Variants in KNTC1 observed in about 807,000 individuals in gnomAD.
KNTC1 encodes the protein kinetochore-associated protein 1.
In KNTC1, 253 loss-of-function variants were observed where a neutral mutation model predicts 314.4. The ratio of observed to expected loss-of-function variants is 0.80; its 90% CI spans 0.73 to 0.89. The LOEUF is 0.89. KNTC1 is among the 40% of genes least tolerant of loss of function. KNTC1 has a pLI of 0.00. For missense variants in KNTC1, 2,475 were observed against 2,572.9 expected (o/e 0.96, Z 0.82); for synonymous variants, 901 against 901.4 (o/e 1.00, Z 0.01).
Position 122,571,100 on chromosome 12 carries a change from G to C in KNTC1, c.1993G>C (p.Ala665Pro). ...TAEKTDELGL[A>P]SSWHWISLKD... ...AGAAAAAACAGACGAGTTGGGATTG[G>C]CATCTTCCTGGCATTGGATTTCCTT... is the stretch of plus-strand genomic sequence containing the variant. Residue 665 changes from alanine to proline, a missense_variant, in exon 24 of 64, where the codon GCA (alanine) becomes CCA (proline). Transcript: ENST00000333479. 1 of 1,613,236 alleles carries C rather than the reference G, an allele frequency of 6.2e-7. No individual in the cohort carries two copies. The highest frequency in any genetic ancestry group is 8.5e-7 in the Non-Finnish European group (1 of 1,179,298).
rs184857619 is a variant in KNTC1, at chr12:122,580,153, C to G, written c.2914+176C>G. On this transcript the variant is annotated intron_variant, in intron 32 of 63. Transcript: ENST00000333479. ...TTCCTTTATTCCTTTATCAGCAATTCAAGAACAGATGCATGCAAAATCAAC... is the reference window on the plus strand; with the variant it reads ...TTCCTTTATTCCTTTATCAGCAATTGAAGAACAGATGCATGCAAAATCAAC... Among the ~76,000 whole-genome samples the G allele has an allele frequency of 2.0e-3, 310 of 152,314 alleles. 1 individual carries two copies. Among genetic ancestry groups the G allele is most frequent in the African/African-American group, 7.0e-3 (292 of 41,578 alleles).
At chr12:122,535,691 C>G (rs1358211220) in intron 3 of KNTC1, among the ~76,000 whole-genome samples, 1 of 151,564 alleles carries the variant, frequency 6.6e-6, no homozygotes, top group Non-Finnish European at 1.5e-5. Context: ...TGGCATACAC[C>G]TGTAATCCCA....
chr12:122,572,432 A>G (rs1964754072), intron 24 of KNTC1, among the ~76,000 whole-genome samples: 2 of 152,110 alleles, frequency 1.3e-5, no homozygotes, highest in Admixed American at 6.6e-5. Context: ...TTAAGTCTTG[A>G]CAGTACATTA....
At position 122,621,865 on chromosome 12, in the gene KNTC1, T is replaced by C. The variant is rs1405860717; in HGVS notation, c.6280-16T>C. The stretch of plus-strand genomic sequence containing the variant: ...AATAACAATTTTCTATTAATTCTGC[T>C]TTGATTTTTCTCTAGAATTTTCTGG... On this transcript the variant is annotated splice_polypyrimidine_tract_variant and intron_variant, in intron 60 of 63. Transcript: ENST00000333479. 3 of 1,515,410 alleles carry C rather than the reference T, an allele frequency of 2.0e-6. No homozygotes were observed. Among genetic ancestry groups the C allele is most frequent in the Non-Finnish European group, 1.8e-6 (2 of 1,106,560 alleles). 93.9% of individuals were successfully genotyped at this position (1,515,410 alleles called of 1,614,324 possible).
rs1428855942 is a variant in KNTC1 at position 122,574,302 on chromosome 12, C to T, written c.2304C>T (p.Ser768=). ...TTTAGGATTTACTGAATAGATGCAG[C>T]TCAAAGTCCACATCACTCTTTGAAA... ...LYIEDLLNRC[S]SKSTSLFETA... The change falls in exon 27 of 64, where the codon AGC becomes AGT. Residue 768 remains serine (S), a synonymous_variant. Coordinates refer to ENST00000333479, the MANE Select transcript of KNTC1 (RefSeq NM_014708.6). The T allele has an allele frequency of 6.2e-7, 1 of 1,606,082 alleles. No individual in the cohort carries two copies.
intron 1 of KNTC1, among the ~76,000 whole-genome samples, chr12:122,528,614 T>C (rs982784728): frequency 6.6e-6 from 1 of 152,176 alleles, no homozygotes; most frequent in Non-Finnish European, 1.5e-5. Flanking sequence ...CCCTTGGTAT[T>C]GGTATCCATG....
intron 33 of KNTC1, 80 bp downstream of exon 33, chr12:122,580,750 T>G: frequency 1.1e-6 from 1 of 877,620 alleles, no homozygotes. Context: ...TCTGTATGGC[T>G]GGGCGCAGTG....
chr12:122,616,149 A>G (rs1458800288), intron 57 of KNTC1, among the ~76,000 whole-genome samples: 1 of 152,220 alleles, frequency 6.6e-6, no homozygotes, highest in African/African-American at 2.4e-5. Context: ...TTGATAAATT[A>G]GAACAATATA....
At chr12:122,588,997 A>G (rs923394604) in intron 40 of KNTC1, among the ~76,000 whole-genome samples, 181 bp downstream of exon 40, 5 of 152,068 alleles carry the variant, frequency 3.3e-5, no homozygotes, top group Non-Finnish European at 7.4e-5. Context: ...CATGCTATAG[A>G]GCTTTTATGA....
intron 1 of KNTC1, among the ~76,000 whole-genome samples, chr12:122,529,041 G>A (rs552572083): frequency 1.3e-5 from 2 of 151,954 alleles, no homozygotes; most frequent in Non-Finnish European, 1.5e-5. Flanking sequence ...AGGGGGTTTC[G>A]TCATGTTGGC....
chr12:122,576,005 C>G, intron 29 of KNTC1, 106 bp downstream of exon 29: 3 of 1,311,260 alleles, frequency 2.3e-6, no homozygotes, highest in Non-Finnish European at 2.0e-6. Flanking sequence ...CTAGGTTTTT[C>G]CACTACATTT....
intron 16 of KNTC1, among the ~76,000 whole-genome samples, chr12:122,554,960 G>T (rs981365550): frequency 3.9e-5 from 6 of 152,118 alleles, no homozygotes; most frequent in Non-Finnish European, 8.8e-5. Flanking sequence ...CAAGAGAATT[G>T]CTTGAGCCCG....
rs1235769457 is a variant in KNTC1 at position 122,536,075 on chromosome 12, T to G, written c.250+1291T>G. Among the ~76,000 whole-genome samples the G allele has an allele frequency of 3.3e-5, 5 of 150,444 alleles. No individual in the cohort carries two copies. The East Asian group carries it at 8.2e-4, about 25-fold the overall frequency. ...TGCCTGGGCAATTTTTTGTATTTTT[T>G]TTTTTTTTTAGTAGAGACAGCATTT... is the stretch of plus-strand genomic sequence containing the variant. On this transcript the variant is annotated intron_variant, in intron 3 of 63. Transcript: ENST00000333479.
intron 43 of KNTC1, among the ~76,000 whole-genome samples, chr12:122,595,785 C>A (rs1409727272): frequency 6.6e-6 from 1 of 152,162 alleles, no homozygotes; most frequent in African/African-American, 2.4e-5. Context: ...TTTTATGGTG[C>A]AGGACACTTT....
In KNTC1 at chr12:122,543,591, T is replaced by C. The variant is rs1216602451; in HGVS notation, c.524-9T>C. The C allele has an allele frequency of 1.4e-5, 22 of 1,550,600 alleles. No individual in the cohort carries two copies. In the Admixed American group the frequency reaches 4.3e-4, roughly 30 times the overall value. On this transcript the variant is annotated splice_polypyrimidine_tract_variant and intron_variant, in intron 6 of 63. Transcript: ENST00000333479. ...CTATACATTTAGCCTGCTTTCTTTT[T>C]TAATGCAGCAATTGAGAATGTAGAC...
At chr12:122,538,206 T>C in intron 3 of KNTC1, 133 bp from the exon 4 acceptor site, 1 of 596,300 alleles carries the variant, frequency 1.7e-6, no homozygotes. Context: ...TTTACTTTCA[T>C]CACATCTGTT....
chr12:122,564,025 T>G (rs1293243095), intron 20 of KNTC1, among the ~76,000 whole-genome samples: 13 of 152,250 alleles, frequency 8.5e-5, no homozygotes, highest in Non-Finnish European at 4.4e-5. Context: ...TTGCCAAGGC[T>G]GGAGTCCAGC....
At chr12:122,537,783 T>A (rs1442619951) in intron 3 of KNTC1, among the ~76,000 whole-genome samples, 1 of 152,120 alleles carries the variant, frequency 6.6e-6, no homozygotes, top group African/African-American at 2.4e-5. Context: ...GTTACTGTTC[T>A]CAGATATATG....
At chr12:122,561,733 C>T (rs771832913) in intron 18 of KNTC1, among the ~76,000 whole-genome samples, 188 bp from the exon 19 acceptor site, 1 of 152,188 alleles carries the variant, frequency 6.6e-6, no homozygotes, top group Non-Finnish European at 1.5e-5. Context: ...GGATTACAGG[C>T]GTGAGCCACT....
Sources: allele counts gnomAD v4.1 joint callset (sites outside exome capture counted in the v4.1 genomes callset), GRCh38; gene constraint gnomAD v4.1.1; transcripts MANE v1.5; gene names NCBI Gene and HGNC (gene_info 2026-07-23, HGNC 2026-07-21).